Variants in NSD1 observed in about 807,000 individuals in gnomAD.
The protein encoded by NSD1 is nuclear receptor binding SET domain protein 1.
NSD1 carries 26 observed loss-of-function variants against 242.7 expected under a neutral mutation model. That is an observed-to-expected ratio of 0.11 (90% CI 0.08 to 0.15). The LOEUF (loss-of-function observed/expected upper bound fraction) is 0.15. Among genes scored for constraint, NSD1 ranks in the 10% least tolerant of loss-of-function variants. NSD1 has a pLI of 1.00. For missense variants in NSD1, 2,495 were observed against 3,272.8 expected, an observed-to-expected ratio of 0.76 and a Z score of 5.80; for synonymous variants, 1,106 against 1,178.1, an observed-to-expected ratio of 0.94 and a Z score of 1.25.
chr5:177,287,493 G>A (rs1289377919), intron 20 of NSD1, among the ~76,000 whole-genome samples: 1 of 152,124 alleles, frequency 6.6e-6, no homozygotes, highest in African/African-American at 2.4e-5. Flanking sequence ...AAAACTAGCT[G>A]GGCGTGGTGG....
In NSD1 at chr5:177,159,022, A is replaced by ATATATATATATATG. The variant is rs1215294756; in HGVS notation, c.927+22995_927+22996insATATATATATGTAT. On this transcript the variant is annotated intron_variant, in intron 2 of 22. Transcript: ENST00000439151. ...TTTATATATATATATATATATATAT[A>ATATATATATATATG]TATGAATGATATATATATATATATA... is the stretch of plus-strand genomic sequence containing the variant. Among the ~76,000 whole-genome samples the ATATATATATATATG allele has an allele frequency of 4.1e-3, 499 of 121,364 alleles. 3 individuals are homozygous for ATATATATATATATG. Among genetic ancestry groups the ATATATATATATATG allele is most frequent in the Middle Eastern group, 0.02 (5 of 250 alleles). The allele number at this position is 121,364 out of a possible 152,430, so 79.6% of individuals were successfully genotyped here. A position where few individuals can be genotyped will look rare whatever the true frequency, so the allele number is the denominator to read the frequency against.
chr5:177,136,847 A>C lies in NSD1; in HGVS notation c.927+817A>C, dbSNP rs772404423. 5 of 650,380 alleles carry C rather than the reference A, an allele frequency of 7.7e-6. No homozygotes were observed. In the East Asian group the frequency reaches 1.4e-4, roughly 18 times the overall value. The allele number at this position is 650,380 out of a possible 1,614,324, so 40.3% of individuals were successfully genotyped here. A position where few individuals can be genotyped will look rare whatever the true frequency, so the allele number is the denominator to read the frequency against. Reference sequence around the variant, plus strand: ...TTTTAACAGAACCCTAACTAAGACAAAGTTTTATATTTATTTATTGTTTAG... The same window carrying C: ...TTTTAACAGAACCCTAACTAAGACACAGTTTTATATTTATTTATTGTTTAG... On this transcript the variant is annotated intron_variant, in intron 2 of 22. Transcript: ENST00000439151.
intron 13 of NSD1, among the ~76,000 whole-genome samples, chr5:177,257,511 G>A (rs553393763): frequency 2.5e-4 from 38 of 152,162 alleles, no homozygotes; most frequent in Admixed American, 5.9e-4. Context: ...GATTACAGGC[G>A]TGAGCCGCTG....
chr5:177,275,722 T>G (rs190800486), intron 17 of NSD1, among the ~76,000 whole-genome samples: 12 of 151,798 alleles, frequency 7.9e-5, no homozygotes, highest in African/African-American at 2.4e-4. Flanking sequence ...CGTGAGCCAC[T>G]GCGCCCGGCC....
chr5:177,213,820 A>C (rs1470288937), intron 5 of NSD1, among the ~76,000 whole-genome samples: 1 of 152,176 alleles, frequency 6.6e-6, no homozygotes, highest in Admixed American at 6.5e-5. Context: ...TGTACATTTC[A>C]TAGAAATGGA....
chr5:177,237,531 C>CTTTTTTTTTTTTTTTTTTTTTTTTTTATT (rs35657331), intron 6 of NSD1, among the ~76,000 whole-genome samples: 1 of 123,156 alleles, frequency 8.1e-6, no homozygotes, highest in Non-Finnish European at 1.7e-5. Flanking sequence ...ATTATTTTAT[C>CTTTTTTTTTTTTTTTTTTTTTTTTTTATT]TTTTTTTTTT....
chr5:177,291,266 A>G (rs943978669), intron 21 of NSD1, among the ~76,000 whole-genome samples: 1 of 152,220 alleles, frequency 6.6e-6, no homozygotes, highest in African/African-American at 2.4e-5. Context: ...CATTGCTTAT[A>G]GTAAGTTCAG....
intron 11 of NSD1, among the ~76,000 whole-genome samples, chr5:177,249,238 C>T (rs1005791460): frequency 1.3e-5 from 2 of 152,092 alleles, no homozygotes; most frequent in East Asian, 3.8e-4. Context: ...CTTCTGGAAG[C>T]TGAGGCAGCA....
chr5:177,199,040 G>A (rs184375122), intron 3 of NSD1, among the ~76,000 whole-genome samples: 164 of 152,286 alleles, frequency 1.1e-3, no homozygotes, highest in African/African-American at 2.8e-3. Flanking sequence ...ACCTTACAAT[G>A]GTGCGAAAGC....
chr5:177,141,725 C>T (rs1484520549), intron 2 of NSD1, among the ~76,000 whole-genome samples: 1 of 152,126 alleles, frequency 6.6e-6, no homozygotes, highest in Non-Finnish European at 1.5e-5. Flanking sequence ...TGCTGCTACT[C>T]CACTCTATGA....
At chr5:177,175,067 T>C (rs1279776415) in intron 2 of NSD1, among the ~76,000 whole-genome samples, 3 of 151,202 alleles carry the variant, frequency 2.0e-5, no homozygotes, top group African/African-American at 7.3e-5. Context: ...GAGACGGGGT[T>C]TCACCGTGTT....
rs922233462 is a variant in NSD1, at chr5:177,296,494, T to A, written c.*1035T>A. 16 of 233,274 alleles carry A rather than the reference T, an allele frequency of 6.9e-5. No individual in the cohort carries two copies. Among genetic ancestry groups the A allele is most frequent in the Admixed American group, 6.2e-4 (11 of 17,796 alleles). The allele number at this position is 233,274 out of a possible 1,614,324, so 14.5% of individuals were successfully genotyped here. On this transcript the variant is annotated 3_prime_UTR_variant, in exon 23 of 23. Coordinates refer to ENST00000439151, the MANE Select transcript of NSD1 (RefSeq NM_022455.5). ...AAGCTCTGAGCTAGACACACCAGCT[T>A]CAGGAAGAGTACCAGATCCTGATGG...
intron 2 of NSD1, among the ~76,000 whole-genome samples, chr5:177,180,351 C>A (rs1238719135): frequency 6.6e-6 from 1 of 152,178 alleles, no homozygotes; most frequent in African/African-American, 2.4e-5. Context: ...AGTGAGCCGC[C>A]CACCTTGGCC....
chr5:177,219,226 G>A (rs1764044568), intron 5 of NSD1, among the ~76,000 whole-genome samples: 1 of 150,898 alleles, frequency 6.6e-6, no homozygotes, highest in East Asian at 2.0e-4. Context: ...TCGCTCTGTC[G>A]CCAGGCTGGA....
chr5:177,268,252 G>T (rs1439333110), intron 15 of NSD1, among the ~76,000 whole-genome samples: 4 of 147,468 alleles, frequency 2.7e-5, no homozygotes, highest in Non-Finnish European at 5.9e-5. Flanking sequence ...GAGACTACAG[G>T]TACATGCCAC....
rs184446884 is a variant in NSD1 at position 177,297,561 on chromosome 5, C to T, written c.*2102C>T. On this transcript the variant is annotated 3_prime_UTR_variant, in exon 23 of 23. Coordinates refer to ENST00000439151, the MANE Select transcript of NSD1 (RefSeq NM_022455.5). ...CTCTCCAGTCATCTGTAGTTGTGAT[C>T]AGAAAAAGGTATCTGCACTGCACTG... 8.8e-6 allele frequency: 2 copies of T among 226,126 alleles called. No individual in the cohort carries two copies. The highest frequency in any genetic ancestry group is 4.6e-5 in the African/African-American group (2 of 43,872). The allele number at this position is 226,126 out of a possible 1,614,324, so 14.0% of individuals were successfully genotyped here. A position where few individuals can be genotyped will look rare whatever the true frequency, so the allele number is the denominator to read the frequency against.
chr5:177,215,922 G>A (rs184211162), intron 5 of NSD1, among the ~76,000 whole-genome samples: 13 of 152,268 alleles, frequency 8.5e-5, no homozygotes, highest in Admixed American at 2.0e-4. Context: ...ATACAGTGGT[G>A]CAGTTATAGC....
intron 17 of NSD1, among the ~76,000 whole-genome samples, chr5:177,275,621 G>A (rs1487848174): frequency 6.6e-6 from 1 of 151,764 alleles, no homozygotes. Context: ...TTTTAGTAGA[G>A]ATGGGGTTTC....
At position 177,300,063 on chromosome 5, in the gene NSD1, C is replaced by T. The variant is rs886060464; in HGVS notation, c.*4604C>T. 21 of 190,056 alleles carry T rather than the reference C, an allele frequency of 1.1e-4. 1 individual carries two copies. Among genetic ancestry groups the T allele is most frequent in the Admixed American group, 5.8e-4 (9 of 15,508 alleles). The allele number at this position is 190,056 out of a possible 1,614,324, so 11.8% of individuals were successfully genotyped here. A position where few individuals can be genotyped will look rare whatever the true frequency, so the allele number is the denominator to read the frequency against. ...ATCATTGCTTTTTTGCCGCGCCCCC[C>T]CCCCCCCGCCCCCATAGATTGTCAG... On this transcript the variant is annotated 3_prime_UTR_variant, in exon 23 of 23. Transcript: ENST00000439151.
Sources: gnomAD v4.1 joint callset for allele counts (sites outside exome capture counted in the v4.1 genomes callset) on GRCh38, gnomAD v4.1.1 for gene constraint, MANE v1.5 for transcripts, NCBI Gene and HGNC (gene_info 2026-07-23, HGNC 2026-07-21) for gene names.